The following RBFOX1 variants were observed in gnomAD, a reference collection of about 807,000 sequenced individuals.
RBFOX1 encodes the protein RNA binding fox-1 homolog 1, also known as RNA binding protein fox-1 homolog 1.
RBFOX1 carries 8 observed loss-of-function variants against 57.7 expected under a neutral mutation model. The ratio of observed to expected loss-of-function variants is 0.14; its 90% CI spans 0.08 to 0.25. The LOEUF (loss-of-function observed/expected upper bound fraction) is 0.25, where lower values mean the gene tolerates loss of function less well. Among genes scored for constraint, RBFOX1 ranks in the 10% least tolerant of loss-of-function variants. The pLI, the probability that RBFOX1 is intolerant of heterozygous loss-of-function variation, is 1.00. For synonymous variants in RBFOX1, 326 were observed against 222.4 expected, an observed-to-expected ratio of 1.47 and a Z score of -4.15; for missense variants, 611 against 548.5, an observed-to-expected ratio of 1.11 and a Z score of -1.14.
chr16:7,072,977 A>G (rs1166172723), intron 4 of RBFOX1, among the ~76,000 whole-genome samples: 3 of 152,188 alleles, frequency 2.0e-5, no homozygotes, highest in African/African-American at 4.8e-5. Context: ...TTCTTGGCTG[A>G]GGAATAAGCC....
In RBFOX1 at chr16:5,349,911, C is replaced by A. The variant is rs986099824; in HGVS notation, c.219+109806C>A. Among the ~76,000 whole-genome samples the A allele has an allele frequency of 2.0e-4, 30 of 152,130 alleles. 1 individual carries two copies. Among genetic ancestry groups the A allele is most frequent in the Non-Finnish European group, 8.8e-5 (6 of 68,028 alleles). On this transcript the variant is annotated intron_variant, in intron 1 of 2. Transcript: ENST00000585867. ...ACACATGTGCACCATCCACCGGCTC[C>A]CACTCTCCCTGTGCTCCTTCCCAGC...
intron 3 of RBFOX1, among the ~76,000 whole-genome samples, chr16:5,772,670 G>GA (rs1315852930): frequency 6.6e-6 from 1 of 152,182 alleles, no homozygotes; most frequent in Non-Finnish European, 1.5e-5. Flanking sequence ...CTAGAGGGGA[G>GA]ATAAGGAGAA....
At chr16:6,933,153 G>A (rs895257602) in intron 3 of RBFOX1, among the ~76,000 whole-genome samples, 22 of 152,250 alleles carry the variant, frequency 1.4e-4, no homozygotes, top group African/African-American at 5.3e-4. Context: ...ATCTGTAGAC[G>A]CTTGGGTTCC....
chr16:6,340,920 G>A (rs1412059036), intron 2 of RBFOX1, among the ~76,000 whole-genome samples: 1 of 152,080 alleles, frequency 6.6e-6, no homozygotes, highest in Non-Finnish European at 1.5e-5. Flanking sequence ...CACTTCTGGG[G>A]ACCTGGGGGA....
Position 6,317,305 on chromosome 16 carries a change from G to A in RBFOX1, c.-64+248G>A, listed in dbSNP as rs142543589. On this transcript the variant is annotated intron_variant, in intron 2 of 15. Coordinates refer to ENST00000550418, the MANE Select transcript of RBFOX1 (RefSeq NM_018723.4). ...GTGAGGTTATCAATGAGTTAACTGC[G>A]CCTTTATTAGCTGGGGATTAAAATA... Among the ~76,000 whole-genome samples the A allele has an allele frequency of 8.2e-4, 125 of 152,158 alleles. 1 individual carries two copies. Among genetic ancestry groups the A allele is most frequent in the African/African-American group, 2.8e-3 (115 of 41,504 alleles).
At chr16:7,019,528 C>G (rs900090051) in intron 3 of RBFOX1, among the ~76,000 whole-genome samples, 1 of 152,126 alleles carries the variant, frequency 6.6e-6, no homozygotes, top group Non-Finnish European at 1.5e-5. Context: ...GGTCCTCTCT[C>G]TCCTCTTGTT....
At chr16:6,453,230 T>G (rs1230892437) in intron 2 of RBFOX1, among the ~76,000 whole-genome samples, 1 of 152,260 alleles carries the variant, frequency 6.6e-6, no homozygotes, top group East Asian at 1.9e-4. Flanking sequence ...GTCATCTACA[T>G]TAGGTATTTG....
At chr16:7,078,258 G>T (rs138929849) in intron 4 of RBFOX1, among the ~76,000 whole-genome samples, 1 of 152,314 alleles carries the variant, frequency 6.6e-6, no homozygotes, top group East Asian at 1.9e-4. Flanking sequence ...TGTTAGAAAA[G>T]CTGGTTTAGA....
At chr16:6,587,990 G>T (rs1385124129) in intron 2 of RBFOX1, among the ~76,000 whole-genome samples, 1 of 152,160 alleles carries the variant, frequency 6.6e-6, no homozygotes, top group South Asian at 2.1e-4. Flanking sequence ...AGCACTTTGG[G>T]AGGCCGAGGA....
chr16:7,514,534 G>A (rs1378377712), intron 4 of RBFOX1, among the ~76,000 whole-genome samples: 1 of 152,160 alleles, frequency 6.6e-6, no homozygotes, highest in African/African-American at 2.4e-5. Flanking sequence ...GTGAGCTGTG[G>A]CCACCAGCTG....
At chr16:5,598,240 A>T (rs960713462) in intron 2 of RBFOX1, among the ~76,000 whole-genome samples, 7 of 151,950 alleles carry the variant, frequency 4.6e-5, no homozygotes, top group African/African-American at 1.7e-4. Flanking sequence ...AAAAAAATAA[A>T]TAAAAAAAGT....
intron 2 of RBFOX1, among the ~76,000 whole-genome samples, chr16:5,537,534 G>A (rs933903462): frequency 3.9e-5 from 6 of 152,190 alleles, no homozygotes; most frequent in African/African-American, 1.4e-4. Flanking sequence ...CTGTTTCCTT[G>A]CTTATATGTG....
At chr16:6,063,095 C>T (rs1008490147) in intron 1 of RBFOX1, among the ~76,000 whole-genome samples, 4 of 152,110 alleles carry the variant, frequency 2.6e-5, no homozygotes, top group South Asian at 2.1e-4. Flanking sequence ...CACAGAAACA[C>T]GTAGATGAAT....
At chr16:6,034,697 A>G (rs1020930007) in intron 1 of RBFOX1, among the ~76,000 whole-genome samples, 2 of 152,184 alleles carry the variant, frequency 1.3e-5, no homozygotes, top group Non-Finnish European at 2.9e-5. Context: ...AATGTTTTGC[A>G]GTTCTTGTCA....
At chr16:6,662,126 TG>T (rs71406389) in intron 3 of RBFOX1, among the ~76,000 whole-genome samples, 3 of 67,722 alleles carry the variant, frequency 4.4e-5, no homozygotes, top group East Asian at 3.9e-4. Context: ...TGCCGAGGGC[TG>T]GGGGCGGGGT....
intron 2 of RBFOX1, among the ~76,000 whole-genome samples, chr16:6,631,006 C>G (rs770344236): frequency 2.0e-5 from 3 of 152,038 alleles, no homozygotes; most frequent in Non-Finnish European, 4.4e-5. Context: ...GGACCTAACT[C>G]CTTGGTTGTC....
intron 3 of RBFOX1, among the ~76,000 whole-genome samples, chr16:7,050,766 T>G (rs2049787385): frequency 6.6e-6 from 1 of 152,218 alleles, no homozygotes. Context: ...TTTTAATTTT[T>G]CCATTATCAC....
intron 3 of RBFOX1, among the ~76,000 whole-genome samples, chr16:6,782,843 A>C (rs2081260022): frequency 6.6e-6 from 1 of 152,132 alleles, no homozygotes; most frequent in Non-Finnish European, 1.5e-5. Flanking sequence ...AGCATTCCCA[A>C]CTATCATTGT....
At chr16:6,939,994 A>G (rs972152414) in intron 3 of RBFOX1, among the ~76,000 whole-genome samples, 4 of 152,314 alleles carry the variant, frequency 2.6e-5, no homozygotes, top group South Asian at 4.1e-4. Flanking sequence ...TATATCATCC[A>G]TAGCACTTTG....
Sources: allele counts gnomAD v4.1 joint callset (sites outside exome capture counted in the v4.1 genomes callset), GRCh38; gene constraint gnomAD v4.1.1; transcripts MANE v1.5; gene names NCBI Gene and HGNC (gene_info 2026-07-23, HGNC 2026-07-21).